GEMIN7: variants seen among roughly 807,000 people sequenced by gnomAD.
GEMIN7 encodes the protein gem nuclear organelle associated protein 7.
GEMIN7 carries 7 observed loss-of-function variants against 7.8 expected under a neutral mutation model. The ratio of observed to expected loss-of-function variants is 0.90; its 90% CI spans 0.51 to 1.69. The LOEUF (loss-of-function observed/expected upper bound fraction) is 1.69. GEMIN7 is among the 40% of genes most tolerant of loss of function. GEMIN7 has a pLI of 0.00. For synonymous variants in GEMIN7, 68 were observed against 72.4 expected, an observed-to-expected ratio of 0.94 and a Z score of 0.31; for missense variants, 159 against 176.2, an observed-to-expected ratio of 0.90 and a Z score of 0.55.
At chr19:45,076,479 G>A (rs909291425), upstream of GEMIN7, 4 of 828,378 alleles carry the variant, frequency 4.8e-6, no homozygotes, top group African/African-American at 1.8e-5. The surrounding 1 kb of genome is among the most constrained non-coding windows in gnomAD (Gnocchi z 4.9). Context: ...GTGAGTGACT[G>A]CGGCGACCCG....
intron 2 of GEMIN7, among the ~76,000 whole-genome samples, chr19:45,089,692 T>C (rs1327578639): frequency 6.6e-6 from 1 of 151,966 alleles, no homozygotes; most frequent in Non-Finnish European, 1.5e-5. Context: ...AATATATATA[T>C]ATATTTTTAG....
intron 2 of GEMIN7, among the ~76,000 whole-genome samples, chr19:45,083,454 A>G (rs1205271402): frequency 6.6e-6 from 1 of 151,508 alleles, no homozygotes; most frequent in African/African-American, 2.4e-5. Context: ...CCCCAAAACA[A>G]TTTTGCCAAG....
chr19:45,082,659 C>T (rs1967541328), intron 2 of GEMIN7, among the ~76,000 whole-genome samples: 2 of 152,018 alleles, frequency 1.3e-5, no homozygotes, highest in South Asian at 2.1e-4. Flanking sequence ...TACTCTGTCA[C>T]CCAGGCTGGA....
At chr19:45,089,251 C>T (rs1465882907) in intron 2 of GEMIN7, among the ~76,000 whole-genome samples, 1 of 152,122 alleles carries the variant, frequency 6.6e-6, no homozygotes, top group African/African-American at 2.4e-5. Flanking sequence ...CCTATCCACA[C>T]ATTTTTGCAT....
At chr19:45,083,449 A>G (rs1967567416) in intron 2 of GEMIN7, among the ~76,000 whole-genome samples, 1 of 151,878 alleles carries the variant, frequency 6.6e-6, no homozygotes, top group Non-Finnish European at 1.5e-5. Context: ...TCCATCCCCA[A>G]AACAATTTTG....
upstream of GEMIN7, chr19:45,076,381 G>A (rs758477933): frequency 2.3e-6 from 3 of 1,299,904 alleles, no homozygotes; most frequent in East Asian, 2.9e-5. The surrounding 1 kb of genome is among the most constrained non-coding windows in gnomAD (Gnocchi z 4.9). Flanking sequence ...CATGAGTCGC[G>A]GGCCGGGCGA....
intron 2 of GEMIN7, among the ~76,000 whole-genome samples, chr19:45,086,869 ATGAGTCTTGCTC>A (rs1238103231): frequency 6.6e-6 from 1 of 150,954 alleles, no homozygotes; most frequent in Non-Finnish European, 1.5e-5. Context: ...TTTTTTCGAG[ATGAGTCTTGCTC>A]TGTCGCCCAG....
At chr19:45,076,445 G>A (rs1967356421), upstream of GEMIN7, 4 of 1,116,832 alleles carry the variant, frequency 3.6e-6, no homozygotes, top group Non-Finnish European at 4.5e-6. This position sits in a 1 kb window ranked among gnomAD's most constrained non-coding sequence, Gnocchi z 4.9. Context: ...ACGAGCGGAG[G>A]ACGCGCGGAC....
intron 2 of GEMIN7, chr19:45,088,615 C>G (rs57684924): frequency 0.016 from 2,490 of 152,300 alleles, 73 homozygotes; most frequent in African/African-American, 0.057. Flanking sequence ...GCATGAGCCA[C>G]CATGCCTATC....
At chr19:45,076,206 C>T (rs770932707), upstream of GEMIN7, 3 of 1,507,564 alleles carry the variant, frequency 2.0e-6, no homozygotes, top group Admixed American at 7.2e-5. The surrounding 1 kb of genome is among the most constrained non-coding windows in gnomAD (Gnocchi z 4.9). Flanking sequence ...CCGCCGAGGA[C>T]ACCTCCTTCG....
chr19:45,079,558 T>A (rs1274484069), intron 1 of GEMIN7, among the ~76,000 whole-genome samples, 181 bp downstream of exon 1: 4 of 152,188 alleles, frequency 2.6e-5, no homozygotes, highest in Non-Finnish European at 5.9e-5. Flanking sequence ...AACAGAAGCA[T>A]CGGTGGCAGT....
At chr19:45,079,812 C>T (rs1375345471) in intron 1 of GEMIN7, 95 bp from the exon 2 acceptor site, 1 of 152,178 alleles carries the variant, frequency 6.6e-6, no homozygotes, top group Non-Finnish European at 1.5e-5. Flanking sequence ...TCGGGTGGCC[C>T]CATTTAGCTA....
intron 2 of GEMIN7, chr19:45,088,790 G>A (rs1272071426): frequency 6.6e-6 from 1 of 152,136 alleles, no homozygotes. Context: ...CATTCCTGGA[G>A]ATGTTGGCTT....
upstream of GEMIN7, chr19:45,075,877 C>T (rs756760568): frequency 1.9e-6 from 3 of 1,609,862 alleles, no homozygotes; most frequent in Middle Eastern, 1.7e-4. Context: ...AGGGAGGAAG[C>T]GGGTGGTGAG....
At chr19:45,087,941 AATT>A (rs1263432682) in intron 2 of GEMIN7, among the ~76,000 whole-genome samples, 8 of 127,370 alleles carry the variant, frequency 6.3e-5, no homozygotes, top group African/African-American at 2.5e-4. Context: ...ATAGATATAT[AATT>A]TTTTTTTTTT....
At chr19:45,088,026 A>G (rs966561746) in intron 2 of GEMIN7, among the ~76,000 whole-genome samples, 1 of 144,256 alleles carries the variant, frequency 6.9e-6, no homozygotes, top group African/African-American at 2.6e-5. Flanking sequence ...GCTCACTGCA[A>G]CCTCTGCTTC....
chr19:45,076,599 A>C, upstream of GEMIN7: 1 of 337,002 alleles, frequency 3.0e-6, no homozygotes, highest in Non-Finnish European at 5.3e-6. This position sits in a 1 kb window ranked among gnomAD's most constrained non-coding sequence, Gnocchi z 4.9. Flanking sequence ...GCCTAACTCA[A>C]TCTAGGCAGT....
In GEMIN7 at chr19:45,090,294, C is replaced by CGCCCTTCCTCGT. The variant is rs1243337358; in HGVS notation, c.187_188insCTCGTGCCCTTC (p.Leu62_Arg63insProArgAlaLeu). Reference sequence around the variant, plus strand: ...AATCCCAGGAGCAGCGGGCACGAGCCGCCCTTCGGGAGCGTTACCTCCGCA... The same window carrying CGCCCTTCCTCGT: ...AATCCCAGGAGCAGCGGGCACGAGCCGCCCTTCCTCGTGCCCTTCGGGAGCGTTACCTCCGCA... On this transcript the variant is annotated inframe_insertion, in exon 3 of 3. Transcript: ENST00000270257. 3.1e-6 allele frequency: 5 copies of CGCCCTTCCTCGT among 1,614,152 alleles called. No homozygotes were observed.
Position 45,079,938 on chromosome 19 carries a change from G to A in GEMIN7, c.-100G>A, listed in dbSNP as rs1194034632. ...CGGCTTCTCTGTTGACAACTCAGCT[G>A]GTTCCACACCCTGGCAATTGTGAAG... is the stretch of plus-strand genomic sequence containing the variant. On this transcript the variant is annotated 5_prime_UTR_variant, in exon 2 of 3. Coordinates refer to ENST00000270257, the MANE Select transcript of GEMIN7 (RefSeq NM_024707.3). 1.3e-5 allele frequency: 2 copies of A among 152,232 alleles called. No individual in the cohort carries two copies. The highest frequency in any genetic ancestry group is 2.9e-5 in the Non-Finnish European group (2 of 68,078). 9.4% of individuals were successfully genotyped at this position (152,232 alleles called of 1,614,324 possible).
Sources: allele counts gnomAD v4.1 joint callset (sites outside exome capture counted in the v4.1 genomes callset), GRCh38; gene constraint gnomAD v4.1.1; non-coding constraint Gnocchi (gnomAD v3.1); transcripts MANE v1.5; gene names NCBI Gene and HGNC (gene_info 2026-07-23, HGNC 2026-07-21).